The following FAM110A variants were observed in gnomAD, a reference collection of about 807,000 sequenced individuals.
The protein encoded by FAM110A is protein FAM110A.
Under a neutral mutation model 4.0 loss-of-function variants are expected in FAM110A, and 1 was observed. That is an observed-to-expected ratio of 0.25 (90% CI 0.09 to 1.20). The LOEUF (loss-of-function observed/expected upper bound fraction) is 1.20, where lower values mean the gene tolerates loss of function less well. FAM110A is among the 50% of genes most tolerant of loss of function. The probability of loss-of-function intolerance (pLI) is 0.50; values close to 1 mark genes in which losing one functional copy is unlikely to be tolerated. For synonymous variants in FAM110A, 217 were observed against 196.8 expected, an observed-to-expected ratio of 1.10 and a Z score of -0.86; for missense variants, 436 against 429.2, an observed-to-expected ratio of 1.02 and a Z score of -0.14.
Position 840,533 on chromosome 20 carries a change from G to A in FAM110A, c.-97-4175G>A, listed in dbSNP as rs1275934357. Among the ~76,000 whole-genome samples, 1 of 152,202 alleles carries A rather than the reference G, an allele frequency of 6.6e-6. No homozygotes were observed. The highest frequency in any genetic ancestry group is 2.4e-5 in the African/African-American group (1 of 41,446). On this transcript the variant is annotated intron_variant, in intron 1 of 1. Coordinates refer to ENST00000381941, the MANE Select transcript of FAM110A (RefSeq NM_001042353.3). This position sits in a 1 kb window ranked among gnomAD's most constrained non-coding sequence, Gnocchi z 4.4. The stretch of plus-strand genomic sequence containing the variant: ...ATGGGATTAAATGAGGGGGCTCTGG[G>A]GATTTAAATGAGTATGGTGCCTGGC...
At chr20:838,167 A>G (rs1652754685) in intron 1 of FAM110A, among the ~76,000 whole-genome samples, 1 of 152,182 alleles carries the variant, frequency 6.6e-6, no homozygotes, top group South Asian at 2.1e-4. Context: ...TGGGCAACAC[A>G]GTGAGACCTC....
intron 1 of FAM110A, among the ~76,000 whole-genome samples, chr20:843,205 C>T (rs1262227776): frequency 2.0e-5 from 3 of 152,192 alleles, no homozygotes; most frequent in African/African-American, 7.2e-5. Flanking sequence ...AAAGCCACTT[C>T]TCTGAGTCTC....
chr20:845,473 C>T lies in FAM110A; in HGVS notation c.669C>T (p.His223=), dbSNP rs754227142. The change falls in exon 2 of 2, where the codon CAC becomes CAT. Residue 223 remains histidine, a synonymous_variant. Coordinates refer to ENST00000381941, the MANE Select transcript of FAM110A (RefSeq NM_001042353.3). ...PEEARGLGVA[H]LARASSDIVS... is the part of the protein sequence containing the mutation. ...AGGCGAGAGGGTTGGGTGTGGCCCA[C>T]CTGGCACGGGCCAGCTCGGATATCG... The T allele has an allele frequency of 1.2e-6, 2 of 1,613,254 alleles. No homozygotes were observed. The highest frequency in any genetic ancestry group is 1.7e-5 in the Admixed American group (1 of 59,968).
rs6117939 is a variant in FAM110A at position 845,302 on chromosome 20, C to T, written c.498C>T (p.Pro166=). The change falls in exon 2 of 2, where the codon CCC becomes CCT. Residue 166 remains proline (P), a synonymous_variant. Coordinates refer to ENST00000381941, the MANE Select transcript of FAM110A (RefSeq NM_001042353.3). ...CCCTGCCCGCCTCGCCTGCCCGGCC[C>T]TGCCCATCACCCGGCCCTGCCGCCG... ...VRPLPASPAR[P]CPSPGPAAAS... 4 of 1,538,416 alleles carry T rather than the reference C, an allele frequency of 2.6e-6. No homozygotes were observed. In the African/African-American group the frequency reaches 5.5e-5, roughly 21 times the overall value.
At chr20:844,672 C>A in intron 1 of FAM110A, 36 bp from the exon 2 acceptor site, 2 of 1,256,352 alleles carry the variant, frequency 1.6e-6, no homozygotes, top group Non-Finnish European at 2.0e-6. Flanking sequence ...TGAGCGCGCT[C>A]GGCTTTTTTT....
intron 1 of FAM110A, chr20:839,624 T>C: frequency 8.7e-7 from 1 of 1,144,016 alleles, no homozygotes; most frequent in Admixed American, 1.7e-5. Flanking sequence ...CCTCCAGACC[T>C]TTAGGCCGAG....
intron 1 of FAM110A, chr20:839,392 G>C: frequency 1.7e-6 from 1 of 580,930 alleles, no homozygotes; most frequent in South Asian, 1.5e-5. Flanking sequence ...GATGAGATTT[G>C]TTCTTTTCTT....
chr20:845,899 T>G lies in FAM110A; in HGVS notation c.*207T>G. ...GGTTTTGTTCTTGGCTTTGGACACC[T>G]GAGAACCCCCTCCTCCCCTCCCCCA... is the stretch of plus-strand genomic sequence containing the variant. On this transcript the variant is annotated 3_prime_UTR_variant, in exon 2 of 2. Transcript: ENST00000381941. The G allele has an allele frequency of 9.2e-7, 1 of 1,091,816 alleles. No individual in the cohort carries two copies. The highest frequency in any genetic ancestry group is 3.1e-5 in the Admixed American group (1 of 32,530). The allele number at this position is 1,091,816 out of a possible 1,614,324, so 67.6% of individuals were successfully genotyped here.
rs528424974 is a variant in FAM110A, at chr20:845,452, G to A, written c.648G>A (p.Ala216=). The A allele has an allele frequency of 4.7e-4, 751 of 1,613,642 alleles. 11 individuals are homozygous for A. Among genetic ancestry groups the A allele is most frequent in the South Asian group, 3.3e-3 (302 of 91,048 alleles). Residue 216 remains alanine, a synonymous_variant, in exon 2 of 2, where the codon GCG becomes GCA. Transcript: ENST00000381941. ...TCTGCGGCCTGGACCCGGAGGAGGC[G>A]AGAGGGTTGGGTGTGGCCCACCTGG... is the stretch of plus-strand genomic sequence containing the variant. ...FNFCGLDPEE[A]RGLGVAHLAR...
At position 834,058 on chromosome 20, in the gene FAM110A, G is replaced by C. The variant is rs579048; in HGVS notation, c.-98+107G>C. ...CGTCGTACCTGCGTGTCATTTCACA[G>C]ATGAGGACTCTGAGGCTCAGAGAGG... is the stretch of plus-strand genomic sequence containing the variant. On this transcript the variant is annotated intron_variant, in intron 1 of 1. Transcript: ENST00000381941. This position sits in a 1 kb window ranked among gnomAD's most constrained non-coding sequence, Gnocchi z 5.6. 0.1 allele frequency: 15,488 copies of C among 152,382 alleles called. 2,596 individuals carry two copies. The highest frequency in any genetic ancestry group is 0.35 in the African/African-American group (14,538 of 41,488). The allele number at this position is 152,382 out of a possible 1,614,324, so 9.4% of individuals were successfully genotyped here.
chr20:844,466 C>G (rs1980127631), intron 1 of FAM110A, among the ~76,000 whole-genome samples: 1 of 151,518 alleles, frequency 6.6e-6, no homozygotes, highest in African/African-American at 2.4e-5. Context: ...TCTTTTTTCT[C>G]TAGCACCTTT....
intron 1 of FAM110A, among the ~76,000 whole-genome samples, chr20:841,752 G>A (rs886950627): frequency 5.9e-5 from 9 of 152,174 alleles, no homozygotes; most frequent in African/African-American, 2.2e-4. Flanking sequence ...GGGGCATTGG[G>A]CGGTGAGAGG....
Position 845,191 on chromosome 20 carries a change from G to A in FAM110A, c.387G>A (p.Arg129=). Residue 129 remains arginine, a synonymous_variant, in exon 2 of 2, where the codon CGG becomes CGA. Transcript: ENST00000381941. ...CCGAGGCCAGCCGCACTCCTGGACG[G>A]GCCGAGGGAGCCGGCCGTCCTCCCC... is the stretch of plus-strand genomic sequence containing the variant. ...SPAEASRTPG[R]AEGAGRPPPA... 1.3e-6 allele frequency: 2 copies of A among 1,565,092 alleles called. No homozygotes were observed. The highest frequency in any genetic ancestry group is 1.7e-6 in the Non-Finnish European group (2 of 1,160,248).
Position 845,053 on chromosome 20 carries a change from C to A in FAM110A, c.249C>A (p.Arg83=). 1.3e-6 allele frequency: 2 copies of A among 1,594,356 alleles called. No homozygotes were observed. The highest frequency in any genetic ancestry group is 1.7e-4 in the Middle Eastern group (1 of 6,038). Residue 83 remains arginine, a synonymous_variant, in exon 2 of 2, where the codon CGC becomes CGA. Coordinates refer to ENST00000381941, the MANE Select transcript of FAM110A (RefSeq NM_001042353.3). Reference sequence around the variant, plus strand: ...CGCTCTTTAGCCCTGAGACTCGCCGCACAGTGCTCACGCCCAGCCGCCGAG... The same window carrying A: ...CGCTCTTTAGCCCTGAGACTCGCCGAACAGTGCTCACGCCCAGCCGCCGAG... ...KQPLFSPETR[R]TVLTPSRRAL...
Position 839,463 on chromosome 20 carries a change from C to G in FAM110A, c.-97-5245C>G. 3.8e-6 allele frequency: 3 copies of G among 783,006 alleles called. No individual in the cohort carries two copies. The South Asian group carries it at 4.0e-5, about 11-fold the overall frequency. The allele number at this position is 783,006 out of a possible 1,614,324, so 48.5% of individuals were successfully genotyped here. The stretch of plus-strand genomic sequence containing the variant: ...TCTCCAATTTTATTGAGGTGGCTGA[C>G]CACGTCCACGACCACATCTGCCTCT... On this transcript the variant is annotated intron_variant, in intron 1 of 1. Coordinates refer to ENST00000381941, the MANE Select transcript of FAM110A (RefSeq NM_001042353.3).
At chr20:843,778 A>G (rs1162635462) in intron 1 of FAM110A, among the ~76,000 whole-genome samples, 2 of 152,188 alleles carry the variant, frequency 1.3e-5, no homozygotes, top group Non-Finnish European at 2.9e-5. Context: ...TTGGGTGACC[A>G]CGTAGACACT....
chr20:839,391 T>C, intron 1 of FAM110A: 1 of 577,986 alleles, frequency 1.7e-6, no homozygotes, highest in Non-Finnish European at 3.3e-6. Context: ...AGATGAGATT[T>C]GTTCTTTTCT....
intron 1 of FAM110A, among the ~76,000 whole-genome samples, chr20:837,550 G>A (rs1475806446): frequency 7.2e-5 from 11 of 152,226 alleles, no homozygotes; most frequent in Admixed American, 7.2e-4. Context: ...AGGCACTGTT[G>A]TGAGTCCTGT....
intron 1 of FAM110A, chr20:839,472 C>T (rs1282138066): frequency 2.0e-5 from 17 of 840,158 alleles, no homozygotes; most frequent in Non-Finnish European, 2.9e-5. Context: ...ACCACGTCCA[C>T]GACCACATCT....
Sources: gnomAD v4.1 joint callset for allele counts (sites outside exome capture counted in the v4.1 genomes callset) on GRCh38, gnomAD v4.1.1 for gene constraint, Gnocchi (gnomAD v3.1) non-coding constraint, MANE v1.5 for transcripts, NCBI Gene and HGNC (gene_info 2026-07-23, HGNC 2026-07-21) for gene names.